The following KCNIP4 variants were observed in gnomAD, a reference collection of about 807,000 sequenced individuals.
The protein encoded by KCNIP4 is Kv channel-interacting protein 4.
A neutral mutation model predicts 34.0 loss-of-function variants in KCNIP4; 12 were observed. The ratio of observed to expected loss-of-function variants is 0.35; its 90% CI spans 0.23 to 0.57. The LOEUF (loss-of-function observed/expected upper bound fraction) is 0.57, where lower values mean the gene tolerates loss of function less well. KCNIP4 is among the 20% of genes least tolerant of loss of function. The probability of loss-of-function intolerance (pLI) is 0.83; values close to 1 mark genes in which losing one functional copy is unlikely to be tolerated. For missense variants in KCNIP4, 238 were observed against 311.7 expected (o/e 0.76, Z 1.78); for synonymous variants, 124 against 102.2 (o/e 1.21, Z -1.29).
intron 1 of KCNIP4, among the ~76,000 whole-genome samples, chr4:21,264,062 C>T (rs537970966): frequency 4.1e-5 from 6 of 146,530 alleles, no homozygotes; most frequent in African/African-American, 1.5e-4. Context: ...CTATTGAATC[C>T]AAGTCTGACT....
Position 21,176,315 on chromosome 4 carries a change from C to T in KCNIP4, c.62-293606G>A, listed in dbSNP as rs538227148. 3.3e-5 allele frequency among the ~76,000 whole-genome samples: 5 copies of T among 152,214 alleles called. No homozygotes were observed. In the East Asian group the frequency reaches 9.7e-4, roughly 30 times the overall value. On this transcript the variant is annotated intron_variant, in intron 1 of 8. Coordinates refer to ENST00000382152, the MANE Select transcript of KCNIP4 (RefSeq NM_025221.6). ...GTCTCACAGTTGGATCTTGGAGATC[C>T]TTCACAAGCCTTGATGGACTAGGGA...
At chr4:21,680,123 G>A (rs574088731) in intron 1 of KCNIP4, among the ~76,000 whole-genome samples, 7 of 152,250 alleles carry the variant, frequency 4.6e-5, no homozygotes, top group South Asian at 4.2e-4. Context: ...CAAAATTAAA[G>A]TCAATCCTCT....
At chr4:21,644,046 T>C (rs1248919210) in intron 1 of KCNIP4, among the ~76,000 whole-genome samples, 2 of 150,912 alleles carry the variant, frequency 1.3e-5, no homozygotes, top group Admixed American at 6.6e-5. Context: ...AGAAAAGCCT[T>C]CTAAGTTGTG....
chr4:21,903,871 T>G (rs773735635), intron 1 of KCNIP4, among the ~76,000 whole-genome samples: 9 of 152,180 alleles, frequency 5.9e-5, no homozygotes, highest in Non-Finnish European at 1.2e-4. Flanking sequence ...GTCTCATTCC[T>G]TCACAATATA....
chr4:21,196,964 T>C (rs1756099823), intron 1 of KCNIP4, among the ~76,000 whole-genome samples: 1 of 152,168 alleles, frequency 6.6e-6, no homozygotes, highest in Non-Finnish European at 1.5e-5. Flanking sequence ...CTCTGCACCT[T>C]CTATGGGTAA....
intron 1 of KCNIP4, among the ~76,000 whole-genome samples, chr4:21,750,514 T>C (rs1198192371): frequency 6.6e-6 from 1 of 152,136 alleles, no homozygotes; most frequent in Non-Finnish European, 1.5e-5. Flanking sequence ...TTGAGCTTGA[T>C]GATGGTTTGA....
intron 1 of KCNIP4, among the ~76,000 whole-genome samples, chr4:21,338,055 A>C (rs1716354552): frequency 6.6e-6 from 1 of 152,066 alleles, no homozygotes; most frequent in Non-Finnish European, 1.5e-5. Flanking sequence ...CCTTGGCTTC[A>C]AGATAGCTCC....
chr4:20,983,758 G>GT, intron 1 of KCNIP4: 1 of 1,382,156 alleles, frequency 7.2e-7, no homozygotes, highest in Non-Finnish European at 9.9e-7. Context: ...TGCAGCATCT[G>GT]TATCTACTTC....
chr4:20,958,101 C>A (rs1216603542), intron 1 of KCNIP4, among the ~76,000 whole-genome samples: 1 of 152,168 alleles, frequency 6.6e-6, no homozygotes, highest in Non-Finnish European at 1.5e-5. Flanking sequence ...ACCTGGGTCT[C>A]TTGTTTCCTT....
At chr4:21,159,276 A>G (rs1230280271) in intron 1 of KCNIP4, among the ~76,000 whole-genome samples, 1 of 152,216 alleles carries the variant, frequency 6.6e-6, no homozygotes, top group Non-Finnish European at 1.5e-5. Flanking sequence ...AAGTTAATCA[A>G]TGGAATAGAA....
chr4:21,139,700 C>A (rs559860999), intron 1 of KCNIP4, among the ~76,000 whole-genome samples: 3 of 151,552 alleles, frequency 2.0e-5, no homozygotes, highest in Admixed American at 6.6e-5. Flanking sequence ...GAAAGTGAAA[C>A]ACAGCTCAAC....
intron 1 of KCNIP4, among the ~76,000 whole-genome samples, chr4:21,483,121 A>C (rs1326732398): frequency 6.6e-6 from 1 of 151,232 alleles, no homozygotes; most frequent in African/African-American, 2.4e-5. Context: ...AGATATACCT[A>C]ATGTAAATGA....
At chr4:20,872,628 T>A (rs955149757) in intron 2 of KCNIP4, among the ~76,000 whole-genome samples, 2 of 152,086 alleles carry the variant, frequency 1.3e-5, no homozygotes, top group Non-Finnish European at 2.9e-5. Flanking sequence ...AAATGGAAAA[T>A]AGGTTGTATA....
intron 1 of KCNIP4, among the ~76,000 whole-genome samples, chr4:21,454,663 C>A (rs1343681452): frequency 6.6e-6 from 1 of 152,062 alleles, no homozygotes; most frequent in African/African-American, 2.4e-5. Flanking sequence ...TTTGCCAGTG[C>A]AACTAAGCAG....
chr4:21,051,730 G>A (rs758936952), intron 1 of KCNIP4, among the ~76,000 whole-genome samples: 1 of 152,104 alleles, frequency 6.6e-6, no homozygotes, highest in Non-Finnish European at 1.5e-5. Flanking sequence ...AAACATTTGA[G>A]AGTGTGCAGC....
intron 1 of KCNIP4, among the ~76,000 whole-genome samples, chr4:21,166,790 T>A (rs1020691805): frequency 1.3e-5 from 2 of 151,756 alleles, no homozygotes; most frequent in Non-Finnish European, 1.5e-5. Context: ...AATACAAAAA[T>A]TAGCCGGGTG....
chr4:21,746,741 A>T (rs1014718771), intron 1 of KCNIP4, among the ~76,000 whole-genome samples: 1 of 152,100 alleles, frequency 6.6e-6, no homozygotes, highest in African/African-American at 2.4e-5. Context: ...TAAACTCAAC[A>T]CTTCATAAGC....
At chr4:20,811,883 G>A (rs1249702327) in intron 3 of KCNIP4, among the ~76,000 whole-genome samples, 1 of 152,182 alleles carries the variant, frequency 6.6e-6, no homozygotes, top group African/African-American at 2.4e-5. Context: ...TCAGAGAAGT[G>A]GCTTGGATGG....
chr4:21,869,650 AT>A (rs1015592684), intron 1 of KCNIP4, among the ~76,000 whole-genome samples: 2 of 135,992 alleles, frequency 1.5e-5, no homozygotes, highest in African/African-American at 2.7e-5. Flanking sequence ...ACTTTTAGGA[AT>A]TTTTTTTCCT....
Sources: gnomAD v4.1 joint callset for allele counts (sites outside exome capture counted in the v4.1 genomes callset) on GRCh38, gnomAD v4.1.1 for gene constraint, MANE v1.5 for transcripts, NCBI Gene and HGNC (gene_info 2026-07-23, HGNC 2026-07-21) for gene names.